Variants in PDXDC1 observed in about 807,000 individuals in gnomAD.
PDXDC1 encodes the protein pyridoxal-dependent decarboxylase domain-containing protein 1.
PDXDC1 carries 42 observed loss-of-function variants against 100.1 expected under a neutral mutation model. The observed-to-expected ratio is 0.42, with a 90% CI of 0.33 to 0.54. PDXDC1 has a LOEUF of 0.54. Among genes scored for constraint, PDXDC1 ranks in the 20% least tolerant of loss-of-function variants. The pLI, the probability that PDXDC1 is intolerant of heterozygous loss-of-function variation, is 0.10. For missense variants in PDXDC1, 636 were observed against 979.2 expected, an observed-to-expected ratio of 0.65 and a Z score of 4.68; for synonymous variants, 260 against 371.7, an observed-to-expected ratio of 0.70 and a Z score of 3.46.
chr16:15,110,253 A>T (rs1463440712), intron 16 of PDXDC1, among the ~76,000 whole-genome samples: 2 of 148,884 alleles, frequency 1.3e-5, no homozygotes, highest in Non-Finnish European at 3.0e-5. Flanking sequence ...AGGGAAAGGA[A>T]TTATACAGCT....
intron 16 of PDXDC1, chr16:15,055,968 G>C: frequency 8.2e-7 from 1 of 1,223,894 alleles, no homozygotes; most frequent in Non-Finnish European, 1.0e-6. Context: ...ACGAGCAGCG[G>C]CATCGCGGAG....
chr16:14,994,253 T>A (rs541538293), intron 1 of PDXDC1, among the ~76,000 whole-genome samples: 2 of 152,418 alleles, frequency 1.3e-5, no homozygotes, highest in East Asian at 3.9e-4. Flanking sequence ...GGTTTTCTTC[T>A]AGGGTTTTTA....
intron 16 of PDXDC1, chr16:15,133,792 C>A (rs1345367794): frequency 6.3e-7 from 1 of 1,586,992 alleles, no homozygotes; most frequent in African/African-American, 1.3e-5. Flanking sequence ...GGCCTGTACT[C>A]ACCCGTGCAT....
At chr16:15,101,984 G>A (rs1184804005) in intron 16 of PDXDC1, among the ~76,000 whole-genome samples, 1 of 152,114 alleles carries the variant, frequency 6.6e-6, no homozygotes, top group Non-Finnish European at 1.5e-5. Flanking sequence ...GAGTAGCTGG[G>A]ATTACAGGTG....
At chr16:15,044,449 C>A (rs761061435) in intron 16 of PDXDC1, 2 of 1,266,036 alleles carry the variant, frequency 1.6e-6, no homozygotes, top group South Asian at 2.4e-5. Context: ...GAAGAAGACA[C>A]CGGTGCGTGC....
At chr16:15,013,599 G>A (rs1342540640) in intron 8 of PDXDC1, among the ~76,000 whole-genome samples, 2 of 152,258 alleles carry the variant, frequency 1.3e-5, no homozygotes, top group East Asian at 1.9e-4. Flanking sequence ...ACAATAGGCC[G>A]AGCATGAGAG....
intron 8 of PDXDC1, among the ~76,000 whole-genome samples, chr16:15,014,206 C>CAAAA (rs199890384): frequency 6.9e-5 from 10 of 144,284 alleles, no homozygotes; most frequent in East Asian, 2.1e-4. Flanking sequence ...GACTCTGTCT[C>CAAAA]AAAAAAAAAA....
chr16:14,986,338 G>A (rs1479589370), intron 1 of PDXDC1, among the ~76,000 whole-genome samples: 6 of 152,266 alleles, frequency 3.9e-5, no homozygotes, highest in African/African-American at 7.2e-5. Context: ...GCGTGATGGC[G>A]GGCACCTGGA....
intron 14 of PDXDC1, among the ~76,000 whole-genome samples, chr16:15,028,144 C>T (rs1272095088): frequency 1.3e-5 from 2 of 152,292 alleles, no homozygotes; most frequent in African/African-American, 4.8e-5. Flanking sequence ...TCCCCCCTTC[C>T]ACTCTCCCTC....
chr16:15,139,872 T>C (rs1419159434), downstream of PDXDC1, among the ~76,000 whole-genome samples: 2 of 151,100 alleles, frequency 1.3e-5, no homozygotes, highest in Non-Finnish European at 2.9e-5. Context: ...CCAAGGTGGG[T>C]GGATTATGAG....
chr16:14,987,305 AC>A, intron 1 of PDXDC1, among the ~76,000 whole-genome samples: 1 of 152,292 alleles, frequency 6.6e-6, no homozygotes, highest in Non-Finnish European at 1.5e-5. Flanking sequence ...TCATTTACTT[AC>A]TTGATAAAAT....
At chr16:15,130,709 C>G (rs766206589) in intron 16 of PDXDC1, 23 of 1,504,512 alleles carry the variant, frequency 1.5e-5, no homozygotes, top group Non-Finnish European at 2.1e-5. Context: ...TCCTGCTAGC[C>G]GAGCAGTTGT....
intron 16 of PDXDC1, chr16:15,076,533 C>G: frequency 6.8e-7 from 1 of 1,462,126 alleles, no homozygotes; most frequent in Non-Finnish European, 9.6e-7. Flanking sequence ...AACTTCATCT[C>G]CACTTTCATT....
chr16:15,048,812 C>A (rs1012376997), intron 16 of PDXDC1, among the ~76,000 whole-genome samples: 23 of 149,898 alleles, frequency 1.5e-4, no homozygotes, highest in African/African-American at 5.4e-4. Flanking sequence ...TTTGTAGCGA[C>A]GGGGTCTCCC....
At chr16:15,046,697 C>CAAAAAAA (rs9331444) in intron 16 of PDXDC1, among the ~76,000 whole-genome samples, 1 of 43,620 alleles carries the variant, frequency 2.3e-5, no homozygotes, top group South Asian at 1.3e-3. Flanking sequence ...CTGTCTCTAC[C>CAAAAAAA]AAAAAAAAAA....
At chr16:15,133,084 C>G (rs970147478) in intron 16 of PDXDC1, 1 of 623,234 alleles carries the variant, frequency 1.6e-6, no homozygotes, top group East Asian at 2.7e-5. Context: ...AAGCAGACGC[C>G]GGAGAGGGCC....
chr16:15,089,919 T>A (rs1293447756), intron 16 of PDXDC1, among the ~76,000 whole-genome samples: 1 of 148,416 alleles, frequency 6.7e-6, no homozygotes, highest in Non-Finnish European at 1.5e-5. Flanking sequence ...AAAAAGTAAG[T>A]CCACTGAGGC....
chr16:15,000,631 G>A (rs1010822087), intron 3 of PDXDC1, among the ~76,000 whole-genome samples: 4 of 152,286 alleles, frequency 2.6e-5, no homozygotes, highest in Admixed American at 6.5e-5. Flanking sequence ...TCAGCCGTTC[G>A]AATTCTTTTC....
chr16:15,077,883 T>C (rs2045533061), intron 16 of PDXDC1, among the ~76,000 whole-genome samples: 1 of 152,132 alleles, frequency 6.6e-6, no homozygotes, highest in Non-Finnish European at 1.5e-5. Flanking sequence ...CAGGCTCAGC[T>C]ATGTCTTTAT....
Sources: allele counts gnomAD v4.1 joint callset (sites outside exome capture counted in the v4.1 genomes callset), GRCh38; gene constraint gnomAD v4.1.1; transcripts MANE v1.5; gene names NCBI Gene and HGNC (gene_info 2026-07-23, HGNC 2026-07-21).